Variants in GALNT18 observed in about 807,000 individuals in gnomAD.
The protein encoded by GALNT18 is GalNAc-transferase 18.
GALNT18 carries 44 observed loss-of-function variants against 69.5 expected under a neutral mutation model. The observed-to-expected ratio is 0.63, with a 90% CI of 0.50 to 0.81. The LOEUF (loss-of-function observed/expected upper bound fraction) is 0.81, where lower values mean the gene tolerates loss of function less well. Ranked by LOEUF, GALNT18 falls within the 40% of genes least tolerant of loss-of-function variation. The pLI is 0.00. For synonymous variants in GALNT18, 364 were observed against 318.2 expected (o/e 1.14, Z -1.53); for missense variants, 715 against 810.0 (o/e 0.88, Z 1.42).
At chr11:11,553,304 C>T (rs1035174582) in intron 1 of GALNT18, among the ~76,000 whole-genome samples, 16 of 152,324 alleles carry the variant, frequency 1.1e-4, no homozygotes, top group African/African-American at 3.6e-4. Flanking sequence ...AACCTTCCCA[C>T]CTGCTGCAGG....
chr11:11,451,262 G>C (rs1422411223), intron 1 of GALNT18, among the ~76,000 whole-genome samples: 3 of 151,950 alleles, frequency 2.0e-5, no homozygotes, highest in African/African-American at 7.3e-5. Flanking sequence ...TCATTCGTTT[G>C]GAATGGGGGG....
intron 3 of GALNT18, among the ~76,000 whole-genome samples, chr11:11,427,692 C>A (rs1395695374): frequency 6.6e-6 from 1 of 152,196 alleles, no homozygotes; most frequent in East Asian, 1.9e-4. Flanking sequence ...TGGCCGAATG[C>A]CAAATTCTGC....
At chr11:11,294,625 A>C (rs11306918) in intron 9 of GALNT18, among the ~76,000 whole-genome samples, 44,961 of 145,386 alleles carry the variant, frequency 0.31, 6,866 homozygotes, top group Middle Eastern at 0.33. Flanking sequence ...AAAAAAAAAA[A>C]CATAAACAAA....
chr11:11,519,143 C>G (rs925516505), intron 1 of GALNT18, among the ~76,000 whole-genome samples: 1 of 152,242 alleles, frequency 6.6e-6, no homozygotes, highest in East Asian at 1.9e-4. Context: ...AGCCCACACC[C>G]TGCTCGCCAG....
rs1856222979 is a variant in GALNT18, at chr11:11,469,332, C to T, written c.236-20396G>A. 6.6e-6 allele frequency among the ~76,000 whole-genome samples: 1 copy of T among 152,098 alleles called. No homozygotes were observed. The highest frequency in any genetic ancestry group is 2.4e-5 in the African/African-American group (1 of 41,414). ...CATGGAGACAGCGCTGAAAGCCTGC[C>T]CCTCATTATAAGCACTTCCAAGCTT... On this transcript the variant is annotated intron_variant, in intron 1 of 10. Transcript: ENST00000227756. This position sits in a 1 kb window ranked among gnomAD's most constrained non-coding sequence, Gnocchi z 4.2.
rs1857157489 is a variant in GALNT18 at position 11,511,195 on chromosome 11, T to A, written c.236-62259A>T. Among the ~76,000 whole-genome samples the A allele has an allele frequency of 6.6e-6, 1 of 152,130 alleles. No individual in the cohort carries two copies. Among genetic ancestry groups the A allele is most frequent in the African/African-American group, 2.4e-5 (1 of 41,426 alleles). On this transcript the variant is annotated intron_variant, in intron 1 of 10. Coordinates refer to ENST00000227756, the MANE Select transcript of GALNT18 (RefSeq NM_198516.3). This position sits in a 1 kb window ranked among gnomAD's most constrained non-coding sequence, Gnocchi z 4.9. ...CTCGCTGTGAATAATGGCATTGAAG[T>A]ATTCAAGGGCTGCATTCAGGAGCTG...
chr11:11,594,848 T>TATATATACAC lies in GALNT18; in HGVS notation c.235+26510_235+26511insGTGTATATAT, dbSNP rs1488821833. On this transcript the variant is annotated intron_variant, in intron 1 of 10. Coordinates refer to ENST00000227756, the MANE Select transcript of GALNT18 (RefSeq NM_198516.3). ...ATATATATATATATATATACACATATACATACATACACACACATAAATATA... is the reference window on the plus strand; with the variant it reads ...ATATATATATATATATATACACATATATATATACACACATACATACACACACATAAATATA... Among the ~76,000 whole-genome samples the TATATATACAC allele has an allele frequency of 5.8e-3, 665 of 114,202 alleles. 1 individual carries two copies. The highest frequency in any genetic ancestry group is 9.4e-3 in the Middle Eastern group (2 of 212). The allele number at this position is 114,202 out of a possible 152,430, so 74.9% of individuals were successfully genotyped here.
chr11:11,286,263 T>C (rs954702650), intron 10 of GALNT18, among the ~76,000 whole-genome samples: 10 of 152,236 alleles, frequency 6.6e-5, no homozygotes, highest in African/African-American at 1.9e-4. Flanking sequence ...GCAATATGCA[T>C]ATCTGTTTTA....
rs1554955537 is a variant in GALNT18, at chr11:11,591,159, C to CATGTGT, written c.235+30199_235+30200insACACAT. Among the ~76,000 whole-genome samples the CATGTGT allele has an allele frequency of 1.3e-5, 2 of 149,062 alleles. No individual in the cohort carries two copies. Among genetic ancestry groups the CATGTGT allele is most frequent in the South Asian group, 2.2e-4 (1 of 4,638 alleles). ...TGCTGACTCTGTAGGCCTAGGCTAC[C>CATGTGT]GTGTGTGTGTGTGTGTGTGTGTGTG... On this transcript the variant is annotated intron_variant, in intron 1 of 10. Transcript: ENST00000227756. The surrounding 1 kb of genome is among the most constrained non-coding windows in gnomAD (Gnocchi z 4.8).
At chr11:11,456,954 G>A (rs1412284018) in intron 1 of GALNT18, among the ~76,000 whole-genome samples, 2 of 152,246 alleles carry the variant, frequency 1.3e-5, no homozygotes, top group Non-Finnish European at 2.9e-5. Context: ...CAAGTGGGAA[G>A]TGGGGCAGGA....
chr11:11,371,054 A>G (rs1850891170), intron 6 of GALNT18, among the ~76,000 whole-genome samples: 1 of 152,234 alleles, frequency 6.6e-6, no homozygotes, highest in African/African-American at 2.4e-5. Flanking sequence ...CTCCCCAATA[A>G]GCCCACGCAT....
At chr11:11,409,576 C>T (rs2133753849) in intron 3 of GALNT18, among the ~76,000 whole-genome samples, 1 of 152,200 alleles carries the variant, frequency 6.6e-6, no homozygotes. Context: ...ACCCAGATAA[C>T]TCCCCGTATC....
intron 1 of GALNT18, among the ~76,000 whole-genome samples, chr11:11,464,536 C>T (rs1249845683): frequency 1.3e-5 from 2 of 152,180 alleles, no homozygotes; most frequent in African/African-American, 2.4e-5. Flanking sequence ...GAAGCTCCCT[C>T]GTGGGCCCTG....
At position 11,540,102 on chromosome 11, in the gene GALNT18, G is replaced by A. The variant is rs771983653; in HGVS notation, c.235+81257C>T. Among the ~76,000 whole-genome samples the A allele has an allele frequency of 2.6e-5, 4 of 152,104 alleles. No individual in the cohort carries two copies. The highest frequency in any genetic ancestry group is 1.9e-4 in the East Asian group (1 of 5,190). On this transcript the variant is annotated intron_variant, in intron 1 of 10. Transcript: ENST00000227756. This position sits in a 1 kb window ranked among gnomAD's most constrained non-coding sequence, Gnocchi z 4.6. ...ACCCACCACCATCTCTCTGGGCCTC[G>A]GTTTCTTTTTCTAAAAACTTAAGGC...
intron 3 of GALNT18, among the ~76,000 whole-genome samples, chr11:11,418,024 C>G (rs771725360): frequency 6.6e-6 from 1 of 152,310 alleles, no homozygotes; most frequent in East Asian, 1.9e-4. Flanking sequence ...TATATACCTG[C>G]GAGGAAGACA....
At position 11,386,280 on chromosome 11, in the gene GALNT18, C is replaced by T. The variant is rs1589959123; in HGVS notation, c.596-7016G>A. ...AGAGTCCAGGTCCCCACAGCAGTAC[C>T]ATGTTCATTGATGCCCATGGTATTA... On this transcript the variant is annotated intron_variant, in intron 3 of 10. Coordinates refer to ENST00000227756, the MANE Select transcript of GALNT18 (RefSeq NM_198516.3). 2.6e-5 allele frequency among the ~76,000 whole-genome samples: 4 copies of T among 152,284 alleles called. No individual in the cohort carries two copies. The South Asian group carries it at 6.2e-4, about 24-fold the overall frequency.
chr11:11,490,029 G>T (rs1002427112), intron 1 of GALNT18, among the ~76,000 whole-genome samples: 3 of 152,184 alleles, frequency 2.0e-5, no homozygotes, highest in Non-Finnish European at 2.9e-5. Flanking sequence ...CAATGTGACA[G>T]TGTTGGAACA....
chr11:11,368,749 C>CT (rs1850830046), intron 6 of GALNT18, among the ~76,000 whole-genome samples: 2 of 152,222 alleles, frequency 1.3e-5, no homozygotes, highest in South Asian at 4.1e-4. Flanking sequence ...TCAATCTCTT[C>CT]TTTTTCTAAG....
rs940954911 is a variant in GALNT18 at position 11,605,763 on chromosome 11, C to T, written c.235+15596G>A. On this transcript the variant is annotated intron_variant, in intron 1 of 10. Coordinates refer to ENST00000227756, the MANE Select transcript of GALNT18 (RefSeq NM_198516.3). This position sits in a 1 kb window ranked among gnomAD's most constrained non-coding sequence, Gnocchi z 4.7. ...CAGTTTACTTTTTACCTTCTGCACCCACTAGATTGTTTTAGTTTGAAAGTG... is the reference window on the plus strand; with the variant it reads ...CAGTTTACTTTTTACCTTCTGCACCTACTAGATTGTTTTAGTTTGAAAGTG... 6.6e-6 allele frequency among the ~76,000 whole-genome samples: 1 copy of T among 152,094 alleles called. No homozygotes were observed. Among genetic ancestry groups the T allele is most frequent in the Non-Finnish European group, 1.5e-5 (1 of 68,010 alleles).
Sources: allele counts gnomAD v4.1 joint callset (sites outside exome capture counted in the v4.1 genomes callset), GRCh38; gene constraint gnomAD v4.1.1; non-coding constraint Gnocchi (gnomAD v3.1); transcripts MANE v1.5; gene names NCBI Gene and HGNC (gene_info 2026-07-23, HGNC 2026-07-21).